Variants in TENM4 observed in about 807,000 individuals in gnomAD.
The protein encoded by TENM4 is teneurin-4.
A neutral mutation model predicts 243.3 loss-of-function variants in TENM4; 82 were observed. That is an observed-to-expected ratio of 0.34 (90% CI 0.28 to 0.40). The LOEUF is 0.40. Among genes scored for constraint, TENM4 ranks in the 10% least tolerant of loss-of-function variants. TENM4 has a pLI of 1.00. For synonymous variants in TENM4, 1,412 were observed against 1,456.3 expected (o/e 0.97, Z 0.69); for missense variants, 3,138 against 3,673.3 (o/e 0.85, Z 3.77).
At chr11:78,877,184 CT>C (rs1450212902) in intron 9 of TENM4, among the ~76,000 whole-genome samples, 6 of 151,966 alleles carry the variant, frequency 3.9e-5, no homozygotes, top group Non-Finnish European at 7.4e-5. Context: ...TGTTGTTTTA[CT>C]GATAGGAAGA....
intron 19 of TENM4, among the ~76,000 whole-genome samples, chr11:78,748,754 G>T (rs1255834856): frequency 6.6e-6 from 1 of 152,178 alleles, no homozygotes; most frequent in South Asian, 2.1e-4. Context: ...GAGATTTAAA[G>T]GTGTTACTAC....
At chr11:78,664,258 G>C (rs943758052) in intron 32 of TENM4, among the ~76,000 whole-genome samples, 1 of 152,118 alleles carries the variant, frequency 6.6e-6, no homozygotes, top group African/African-American at 2.4e-5. Flanking sequence ...TAAATTACTG[G>C]ATTTAATGTA....
At chr11:78,934,282 T>G (rs1443795281) in intron 6 of TENM4, among the ~76,000 whole-genome samples, 2 of 152,146 alleles carry the variant, frequency 1.3e-5, no homozygotes, top group African/African-American at 4.8e-5. Context: ...AAACCTGACA[T>G]GCTTATCTTA....
intron 20 of TENM4, among the ~76,000 whole-genome samples, chr11:78,737,682 A>G (rs1458640502): frequency 6.6e-6 from 1 of 152,192 alleles, no homozygotes; most frequent in Non-Finnish European, 1.5e-5. Context: ...TCTCCAAAAT[A>G]TTCTCATTGC....
At chr11:79,143,927 C>A (rs1862343970) in intron 4 of TENM4, among the ~76,000 whole-genome samples, 1 of 151,634 alleles carries the variant, frequency 6.6e-6, no homozygotes, top group African/African-American at 2.4e-5. Flanking sequence ...CACAGACAAC[C>A]AAAGGAAAAA....
intron 1 of TENM4, among the ~76,000 whole-genome samples, chr11:79,348,171 C>CATT (rs1857360143): frequency 6.6e-6 from 1 of 152,182 alleles, no homozygotes. Flanking sequence ...CAACCATAGT[C>CATT]ATTAGTCTTT....
chr11:79,114,778 G>A (rs1861583664), intron 4 of TENM4, among the ~76,000 whole-genome samples: 1 of 152,222 alleles, frequency 6.6e-6, no homozygotes, highest in Non-Finnish European at 1.5e-5. Flanking sequence ...ACAGGACAGA[G>A]CAACATAGAA....
intron 6 of TENM4, among the ~76,000 whole-genome samples, chr11:78,954,254 G>A (rs117092065): frequency 9.4e-4 from 143 of 152,274 alleles, no homozygotes; most frequent in Non-Finnish European, 1.7e-3. Flanking sequence ...CAAAGACCAC[G>A]TTTAGGAAAT....
chr11:79,140,469 C>T (rs1862266636), intron 4 of TENM4, among the ~76,000 whole-genome samples: 1 of 152,084 alleles, frequency 6.6e-6, no homozygotes, highest in Non-Finnish European at 1.5e-5. Flanking sequence ...AAATAGTCAG[C>T]AATCCACTGA....
chr11:79,357,805 G>T (rs1857522713), intron 1 of TENM4, among the ~76,000 whole-genome samples: 1 of 152,156 alleles, frequency 6.6e-6, no homozygotes, highest in African/African-American at 2.4e-5. Context: ...GTATGCCTTT[G>T]GTTGATAACC....
intron 6 of TENM4, among the ~76,000 whole-genome samples, chr11:78,959,136 G>T (rs548049305): frequency 1.3e-5 from 2 of 151,946 alleles, no homozygotes; most frequent in African/African-American, 4.8e-5. Flanking sequence ...CTTGCTCATT[G>T]GTTCATTCAC....
At chr11:78,847,529 G>A (rs1858426503) in intron 12 of TENM4, among the ~76,000 whole-genome samples, 1 of 152,198 alleles carries the variant, frequency 6.6e-6, no homozygotes, top group African/African-American at 2.4e-5. Context: ...TCTCCAATGT[G>A]CTGACCTGAG....
At chr11:78,891,187 A>T (rs1855655694) in intron 8 of TENM4, 51 bp downstream of exon 8, 2 of 1,513,272 alleles carry the variant, frequency 1.3e-6, no homozygotes, top group South Asian at 1.2e-5. Context: ...ATGCAAGTGC[A>T]GGAGCCACAA....
intron 6 of TENM4, among the ~76,000 whole-genome samples, chr11:79,023,318 G>C (rs1483505564): frequency 6.6e-6 from 1 of 152,074 alleles, no homozygotes; most frequent in African/African-American, 2.4e-5. Flanking sequence ...CCAGCACTTT[G>C]GGAGGCTGAG....
chr11:79,060,083 T>C lies in TENM4; in HGVS notation c.493+4655A>G, dbSNP rs556114334. Reference sequence around the variant, plus strand: ...TACAGAATGAACCCACAAAAGACACTGTGTCAGCTTGACCCAGTGCTTGGG... The same window carrying C: ...TACAGAATGAACCCACAAAAGACACCGTGTCAGCTTGACCCAGTGCTTGGG... On this transcript the variant is annotated intron_variant, in intron 6 of 33. Coordinates refer to ENST00000278550, the MANE Select transcript of TENM4 (RefSeq NM_001098816.3). Among the ~76,000 whole-genome samples the C allele has an allele frequency of 3.9e-5, 6 of 152,318 alleles. No homozygotes were observed. In the South Asian group the frequency reaches 8.3e-4, roughly 21 times the overall value.
At chr11:79,380,147 G>T (rs1315498766) in intron 1 of TENM4, among the ~76,000 whole-genome samples, 1 of 152,182 alleles carries the variant, frequency 6.6e-6, no homozygotes, top group African/African-American at 2.4e-5. Flanking sequence ...TTTATAAAAG[G>T]AGGTGTGATG....
intron 1 of TENM4, among the ~76,000 whole-genome samples, chr11:79,398,029 T>A (rs1030909903): frequency 2.0e-5 from 3 of 152,234 alleles, no homozygotes; most frequent in African/African-American, 4.8e-5. Context: ...GAAAGATTAT[T>A]TTTTAAATGA....
At chr11:79,204,853 G>A (rs1476974993) in intron 3 of TENM4, among the ~76,000 whole-genome samples, 1 of 152,172 alleles carries the variant, frequency 6.6e-6, no homozygotes, top group Admixed American at 6.5e-5. Context: ...AGCAACAAGT[G>A]AAAGGATAAA....
chr11:79,184,331 A>G (rs1465329854), intron 3 of TENM4, among the ~76,000 whole-genome samples: 1 of 152,136 alleles, frequency 6.6e-6, no homozygotes, highest in Non-Finnish European at 1.5e-5. Context: ...AGATCATCAG[A>G]CATTAGATCC....
Sources: gnomAD v4.1 joint callset for allele counts (sites outside exome capture counted in the v4.1 genomes callset) on GRCh38, gnomAD v4.1.1 for gene constraint, MANE v1.5 for transcripts, NCBI Gene and HGNC (gene_info 2026-07-23, HGNC 2026-07-21) for gene names.